Variants in RARS1 observed in about 807,000 individuals in gnomAD.
The protein encoded by RARS1 is arginyl-tRNA synthetase 1.
In RARS1, 75 loss-of-function variants were observed where a neutral mutation model predicts 78.7. The observed-to-expected ratio is 0.95, with a 90% CI of 0.79 to 1.15. The LOEUF is 1.15. RARS1 is among the 50% of genes most tolerant of loss of function. RARS1 has a pLI of 0.00. For synonymous variants in RARS1, 273 were observed against 268.2 expected, an observed-to-expected ratio of 1.02 and a Z score of -0.18; for missense variants, 787 against 787.5, an observed-to-expected ratio of 1.00 and a Z score of 0.01.
chr5:168,497,409 T>C (rs1758220061), intron 7 of RARS1, 61 bp downstream of exon 7: 2 of 1,330,304 alleles, frequency 1.5e-6, no homozygotes, highest in Non-Finnish European at 2.0e-6. Context: ...TTATCCATTT[T>C]CCTTAGGAAA....
Position 168,488,069 on chromosome 5 carries a change from T to C in RARS1, c.46-533T>C, listed in dbSNP as rs139251719. The C allele has an allele frequency of 4.1e-4, 112 of 275,524 alleles. 1 individual carries two copies. Among genetic ancestry groups the C allele is most frequent in the African/African-American group, 2.4e-3 (105 of 43,204 alleles). 17.1% of individuals were successfully genotyped at this position (275,524 alleles called of 1,614,324 possible). ...ATGAGACATGAGGCATATCCCATTA[T>C]ATACTTACTCCGATTCCTGTCTCCC... On this transcript the variant is annotated intron_variant, in intron 1 of 14. Transcript: ENST00000231572.
At chr5:168,511,612 A>T (rs1327343532) in intron 12 of RARS1, among the ~76,000 whole-genome samples, 2 of 152,174 alleles carry the variant, frequency 1.3e-5, no homozygotes, top group Non-Finnish European at 2.9e-5. Context: ...CTGCCTGATG[A>T]CAAAAATTGC....
chr5:168,494,465 G>A (rs1758142000), intron 4 of RARS1, 85 bp from the exon 5 acceptor site: 1 of 1,562,536 alleles, frequency 6.4e-7, no homozygotes, highest in Admixed American at 1.9e-5. Context: ...GCCAGAGCCA[G>A]GTCAGTGTCT....
chr5:168,506,668 C>CTTT (rs34318878), intron 10 of RARS1, 54 bp from the exon 11 acceptor site: 40 of 1,129,754 alleles, frequency 3.5e-5, no homozygotes, highest in South Asian at 6.1e-5. Context: ...AGCCTTAAGT[C>CTTT]TTTTTTTTTT....
chr5:168,509,444 C>T (rs1002806470), intron 11 of RARS1, among the ~76,000 whole-genome samples: 1 of 146,184 alleles, frequency 6.8e-6, no homozygotes, highest in African/African-American at 2.5e-5. Flanking sequence ...AAACACCCCC[C>T]CCCCCCCACC....
chr5:168,486,614 T>A, intron 1 of RARS1, 71 bp downstream of exon 1: 3 of 1,510,248 alleles, frequency 2.0e-6, no homozygotes, highest in Non-Finnish European at 2.7e-6. Flanking sequence ...CCCAAGCGGC[T>A]TCGGGGGCGG....
At position 168,495,397 on chromosome 5, in the gene RARS1, TA is replaced by T. The variant is rs758033183; in HGVS notation, c.664del (p.Ser222AlafsTer14). 6 of 1,614,026 alleles carry T rather than the reference TA, an allele frequency of 3.7e-6. No homozygotes were observed. On this transcript the variant is annotated frameshift_variant, in exon 6 of 15. Transcript: ENST00000231572. LOFTEE classifies it high-confidence loss of function. ...AGGTCAACTATCATAGGAGAGAGTA[TA>T]AGCCGCCTCTTTGAATTTGCAGGGT... ...HLRSTIIGES[I>X]SRLFEFAGYD...
rs187518079 is a variant in RARS1 at position 168,507,711 on chromosome 5, T to C, written c.1346+880T>C. Among the ~76,000 whole-genome samples, 385 of 152,290 alleles carry C rather than the reference T, an allele frequency of 2.5e-3. 3 individuals carry two copies. Among genetic ancestry groups the C allele is most frequent in the Non-Finnish European group, 4.4e-3 (298 of 68,018 alleles). ...GGGAACAACATTTTCTAATTGCGTT[T>C]CTTCTCCGTGGATCTGCGCTTTTTT... On this transcript the variant is annotated intron_variant, in intron 11 of 14. Transcript: ENST00000231572.
At chr5:168,499,041 G>A (rs1758261013) in intron 7 of RARS1, among the ~76,000 whole-genome samples, 1 of 152,040 alleles carries the variant, frequency 6.6e-6, no homozygotes, top group Non-Finnish European at 1.5e-5. Flanking sequence ...TTATGGGCTG[G>A]GTGCAGTGGC....
chr5:168,492,998 G>C, intron 3 of RARS1, 151 bp downstream of exon 3: 1 of 729,694 alleles, frequency 1.4e-6, no homozygotes, highest in Non-Finnish European at 2.1e-6. Context: ...AGTTGGGGGG[G>C]TATATGTTTT....
chr5:168,514,722 T>C (rs1758629784), intron 12 of RARS1, among the ~76,000 whole-genome samples: 1 of 152,200 alleles, frequency 6.6e-6, no homozygotes, highest in African/African-American at 2.4e-5. Context: ...CTTATTCTGG[T>C]TGTACAGTTG....
intron 6 of RARS1, chr5:168,496,938 A>G (rs1336339972): frequency 7.9e-6 from 2 of 254,084 alleles, no homozygotes; most frequent in South Asian, 3.4e-4. Flanking sequence ...TACAAAATAA[A>G]CAGATTATAG....
At chr5:168,501,389 CT>C (rs987961080) in intron 8 of RARS1, among the ~76,000 whole-genome samples, 9 of 151,832 alleles carry the variant, frequency 5.9e-5, no homozygotes, top group East Asian at 1.9e-4. Context: ...ATAGGAAGAG[CT>C]TTTTTTTCTT....
At chr5:168,498,689 G>C (rs1340489141) in intron 7 of RARS1, among the ~76,000 whole-genome samples, 3 of 152,066 alleles carry the variant, frequency 2.0e-5, no homozygotes, top group Admixed American at 2.0e-4. Flanking sequence ...TTTCCTGGCT[G>C]GGTTCAGTGG....
intron 2 of RARS1, among the ~76,000 whole-genome samples, chr5:168,491,233 G>A (rs1195661675): frequency 6.6e-6 from 1 of 152,138 alleles, no homozygotes; most frequent in Non-Finnish European, 1.5e-5. Flanking sequence ...GGTGGCTCAT[G>A]CCTGTAATCT....
intron 1 of RARS1, among the ~76,000 whole-genome samples, chr5:168,487,258 C>T (rs1029713285): frequency 1.3e-5 from 2 of 151,834 alleles, no homozygotes; most frequent in South Asian, 2.1e-4. Flanking sequence ...CCTAGCTACT[C>T]GGGAGGCTGA....
chr5:168,487,390 G>A (rs1370786486), intron 1 of RARS1, among the ~76,000 whole-genome samples: 6 of 151,894 alleles, frequency 4.0e-5, no homozygotes, highest in South Asian at 2.1e-4. Flanking sequence ...AAGTGAAAGC[G>A]GAACAGTTCC....
At position 168,505,375 on chromosome 5, in the gene RARS1, A is replaced by G. The variant is rs551863609; in HGVS notation, c.1058-646A>G. ...TCATGAGTGTATGAACATGGATTTA[A>G]TTTTTCTTCCTACTTCTCATTCCAA... On this transcript the variant is annotated intron_variant, in intron 9 of 14. Transcript: ENST00000231572. 5.7e-4 allele frequency among the ~76,000 whole-genome samples: 87 copies of G among 152,192 alleles called. 1 individual carries two copies. The highest frequency in any genetic ancestry group is 1.1e-3 in the Non-Finnish European group (74 of 68,006).
At chr5:168,516,526 A>G (rs1320023589) in intron 12 of RARS1, among the ~76,000 whole-genome samples, 1 of 152,232 alleles carries the variant, frequency 6.6e-6, no homozygotes, top group Non-Finnish European at 1.5e-5. Flanking sequence ...AAAGGTATTC[A>G]TGCTGACATT....
Sources: gnomAD v4.1 joint callset for allele counts (sites outside exome capture counted in the v4.1 genomes callset) on GRCh38, gnomAD v4.1.1 for gene constraint, MANE v1.5 for transcripts, NCBI Gene and HGNC (gene_info 2026-07-23, HGNC 2026-07-21) for gene names.